Variants in SUPT3H observed in about 807,000 individuals in gnomAD.
The protein encoded by SUPT3H is SPT3 homolog, SAGA and STAGA complex component, also known as transcription initiation protein SPT3 homolog.
Under a neutral mutation model 44.3 loss-of-function variants are expected in SUPT3H, and 44 were observed. The observed-to-expected ratio is 0.99, with a 90% confidence interval of 0.78 to 1.28. SUPT3H has a LOEUF of 1.28. Among genes scored for constraint, SUPT3H ranks in the 50% most tolerant of loss-of-function variants. SUPT3H has a pLI of 0.00. For missense variants in SUPT3H, 380 were observed against 387.1 expected (o/e 0.98, Z 0.15); for synonymous variants, 124 against 125.6 (o/e 0.99, Z 0.09).
intron 2 of SUPT3H, among the ~76,000 whole-genome samples, chr6:45,222,366 T>C (rs1766206352): frequency 6.6e-6 from 1 of 151,946 alleles, no homozygotes; most frequent in South Asian, 2.1e-4. Flanking sequence ...ACAATCCAAT[T>C]AGAAAATGAC....
chr6:44,846,045 C>T lies in SUPT3H; in HGVS notation c.913-16188G>A, dbSNP rs112216021. Among the ~76,000 whole-genome samples the T allele has an allele frequency of 5.4e-3, 820 of 152,304 alleles. 12 individuals are homozygous for T. Among genetic ancestry groups the T allele is most frequent in the African/African-American group, 0.019 (790 of 41,564 alleles). On this transcript the variant is annotated intron_variant, in intron 10 of 10. Coordinates refer to ENST00000371459, the MANE Select transcript of SUPT3H (RefSeq NM_003599.4). ...TCAGCTGTAAACGTTCACCCCTAGA[C>T]ACTGCCATGGGGTCAGAGCCCACAG...
chr6:45,244,763 T>C (rs897842345), intron 2 of SUPT3H, among the ~76,000 whole-genome samples: 2 of 152,156 alleles, frequency 1.3e-5, no homozygotes, highest in Middle Eastern at 6.3e-3. Flanking sequence ...AATTCCTACT[T>C]CCCTATCTTC....
chr6:45,036,304 G>T (rs976479208), intron 3 of SUPT3H, among the ~76,000 whole-genome samples: 1 of 152,086 alleles, frequency 6.6e-6, no homozygotes, highest in Non-Finnish European at 1.5e-5. Context: ...GGAATAGGAA[G>T]TGCAAAGGTT....
At chr6:45,139,668 G>T (rs1394584708) in intron 2 of SUPT3H, among the ~76,000 whole-genome samples, 1 of 152,156 alleles carries the variant, frequency 6.6e-6, no homozygotes, top group Non-Finnish European at 1.5e-5. Flanking sequence ...CTTACGTAAA[G>T]CTGAAATGTA....
At chr6:44,931,498 T>G (rs769642150) in intron 10 of SUPT3H, among the ~76,000 whole-genome samples, 4 of 152,170 alleles carry the variant, frequency 2.6e-5, no homozygotes, top group Non-Finnish European at 5.9e-5. Flanking sequence ...TCACCCATCA[T>G]GTAAAAGAAA....
intron 3 of SUPT3H, among the ~76,000 whole-genome samples, chr6:45,090,790 C>T (rs1797032559): frequency 6.6e-6 from 1 of 151,742 alleles, no homozygotes; most frequent in African/African-American, 2.4e-5. Context: ...TAAAAGTTAA[C>T]TAGTGAAAAA....
At chr6:44,916,016 T>G (rs1440623237) in intron 10 of SUPT3H, among the ~76,000 whole-genome samples, 1 of 152,226 alleles carries the variant, frequency 6.6e-6, no homozygotes, top group African/African-American at 2.4e-5. Context: ...ATCAACATTA[T>G]CAACTTAAAG....
At chr6:45,214,095 T>C (rs1350089540) in intron 2 of SUPT3H, among the ~76,000 whole-genome samples, 1 of 140,184 alleles carries the variant, frequency 7.1e-6, no homozygotes, top group Non-Finnish European at 1.5e-5. Flanking sequence ...TAAACCAATG[T>C]ATAAATGAGC....
rs370600064 is a variant in SUPT3H, at chr6:44,939,407, T to A, written c.802-6644A>T. On this transcript the variant is annotated intron_variant, in intron 9 of 10. Transcript: ENST00000371459. ...ATGTTGCATCCTTGTATCCCTGGTA[T>A]AAAACTCACTCAACCATGGTAATTA... Among the ~76,000 whole-genome samples the A allele has an allele frequency of 3.2e-4, 48 of 152,272 alleles. No individual in the cohort carries two copies. In the East Asian group the frequency reaches 8.5e-3, roughly 27 times the overall value.
chr6:45,246,451 CG>C (rs1162092218), intron 2 of SUPT3H, among the ~76,000 whole-genome samples: 10 of 152,190 alleles, frequency 6.6e-5, no homozygotes, highest in African/African-American at 2.2e-4. Flanking sequence ...TAACCATCAT[CG>C]TAACAGGAAG....
intron 6 of SUPT3H, among the ~76,000 whole-genome samples, chr6:44,965,855 T>C (rs1776704168): frequency 6.6e-6 from 1 of 152,194 alleles, no homozygotes; most frequent in African/African-American, 2.4e-5. Flanking sequence ...ACAGGAACCG[T>C]GCTGCTCTTC....
chr6:45,267,086 T>A (rs913342518), intron 2 of SUPT3H, among the ~76,000 whole-genome samples: 2 of 152,146 alleles, frequency 1.3e-5, no homozygotes, highest in African/African-American at 2.4e-5. Flanking sequence ...ATCCTCAAGG[T>A]ATCTCATTAT....
chr6:45,306,728 T>C (rs1783085552), intron 2 of SUPT3H, among the ~76,000 whole-genome samples: 1 of 152,116 alleles, frequency 6.6e-6, no homozygotes, highest in Admixed American at 6.5e-5. Context: ...AGACGGGTGA[T>C]TTCTGCATTT....
chr6:45,110,341 C>A (rs1799867110), intron 2 of SUPT3H, among the ~76,000 whole-genome samples: 1 of 152,068 alleles, frequency 6.6e-6, no homozygotes, highest in South Asian at 2.1e-4. Flanking sequence ...ATACTGGGAT[C>A]CAGGAGGATG....
intron 10 of SUPT3H, among the ~76,000 whole-genome samples, chr6:44,867,888 G>T (rs1306262715): frequency 6.6e-6 from 1 of 151,758 alleles, no homozygotes; most frequent in Non-Finnish European, 1.5e-5. Context: ...AAGTATGTTT[G>T]TTTGATGCTA....
At chr6:45,185,559 T>C (rs1050540183) in intron 2 of SUPT3H, among the ~76,000 whole-genome samples, 2 of 152,092 alleles carry the variant, frequency 1.3e-5, no homozygotes, top group African/African-American at 4.8e-5. Context: ...AGCTTACAAG[T>C]TTTACCTAGA....
At position 45,308,190 on chromosome 6, in the gene SUPT3H, G is replaced by GATATTATCCAGA. The variant is rs1350430077; in HGVS notation, c.101+57010_101+57011insTCTGGATAATAT. Among the ~76,000 whole-genome samples, 330 of 151,544 alleles carry GATATTATCCAGA rather than the reference G, an allele frequency of 2.2e-3. 1 individual carries two copies. The highest frequency in any genetic ancestry group is 7.4e-3 in the African/African-American group (302 of 40,860). On this transcript the variant is annotated intron_variant, in intron 2 of 10. Transcript: ENST00000371459. ...AACCAAGTTGGAAAACACTCTGCAGGAGAACTTCCCCAATCTAGCAAGGCA... is the reference window on the plus strand; with the variant it reads ...AACCAAGTTGGAAAACACTCTGCAGGATATTATCCAGAAGAACTTCCCCAATCTAGCAAGGCA...
At chr6:44,924,183 A>G (rs1399625251) in intron 10 of SUPT3H, among the ~76,000 whole-genome samples, 11 of 152,140 alleles carry the variant, frequency 7.2e-5, no homozygotes, top group Non-Finnish European at 1.5e-5. Context: ...ATTGTTAGTG[A>G]AACAACTTTC....
At chr6:45,125,367 CA>C (rs1244662045) in intron 2 of SUPT3H, among the ~76,000 whole-genome samples, 1 of 152,098 alleles carries the variant, frequency 6.6e-6, no homozygotes. Context: ...GACTACCAAA[CA>C]TTTTTTTTCT....
Sources: gnomAD v4.1 joint callset for allele counts (sites outside exome capture counted in the v4.1 genomes callset) on GRCh38, gnomAD v4.1.1 for gene constraint, MANE v1.5 for transcripts, NCBI Gene and HGNC (gene_info 2026-07-23, HGNC 2026-07-21) for gene names.